The following HS2ST1 variants were observed in gnomAD, a reference collection of about 807,000 sequenced individuals.
The protein encoded by HS2ST1 is heparan sulfate 2-O-sulfotransferase 1.
In HS2ST1, 18 loss-of-function variants were observed where a neutral mutation model predicts 42.9. That is an observed-to-expected ratio of 0.42 (90% CI 0.29 to 0.62). The LOEUF is 0.62. HS2ST1 is among the 20% of genes least tolerant of loss of function. HS2ST1 has a pLI of 0.21. For synonymous variants in HS2ST1, 146 were observed against 152.9 expected (o/e 0.95, Z 0.33); for missense variants, 334 against 433.8 (o/e 0.77, Z 2.04).
rs536418990 is a variant in HS2ST1 at position 87,103,505 on chromosome 1, A to G, written c.760A>G (p.Thr254Ala). 7 of 1,612,800 alleles carry G rather than the reference A, an allele frequency of 4.3e-6. No individual in the cohort carries two copies. The highest frequency in any genetic ancestry group is 5.9e-6 in the Non-Finnish European group (7 of 1,179,454). ...LINEYFLVGVTEELEDFIMLL... is the reference protein window; with the variant it reads ...LINEYFLVGVAEELEDFIMLL... ...TAATGAATATTTTCTGGTGGGAGTTACTGAAGAACTTGAAGATTTTATCAT... is the reference window on the plus strand; with the variant it reads ...TAATGAATATTTTCTGGTGGGAGTTGCTGAAGAACTTGAAGATTTTATCAT... The change falls in exon 6 of 7, where the codon ACT becomes GCT. Residue 254 changes from threonine to alanine, a missense_variant. Physicochemically the swap from Thr to Ala is moderately conservative, Grantham distance 58. Coordinates refer to ENST00000370550, the MANE Select transcript of HS2ST1 (RefSeq NM_012262.4).
At chr1:87,097,258 A>G (rs919156087) in intron 4 of HS2ST1, among the ~76,000 whole-genome samples, 11 of 152,264 alleles carry the variant, frequency 7.2e-5, no homozygotes, top group Non-Finnish European at 1.2e-4. Flanking sequence ...AACATAACAC[A>G]TAACACATTT....
At chr1:87,084,601 C>G (rs746250951) in intron 3 of HS2ST1, among the ~76,000 whole-genome samples, 1 of 152,118 alleles carries the variant, frequency 6.6e-6, no homozygotes, top group South Asian at 2.1e-4. Flanking sequence ...TTATGACTTA[C>G]CACATCATTG....
chr1:87,003,826 T>C (rs1649358111), intron 1 of HS2ST1, among the ~76,000 whole-genome samples: 1 of 152,124 alleles, frequency 6.6e-6, no homozygotes, highest in Admixed American at 6.6e-5. Flanking sequence ...TACAGGAGGA[T>C]GTGTGTAGGT....
chr1:86,915,328 G>A (rs538382960), intron 1 of HS2ST1, among the ~76,000 whole-genome samples, 168 bp downstream of exon 1: 1 of 152,320 alleles, frequency 6.6e-6, no homozygotes, highest in African/African-American at 2.4e-5. Flanking sequence ...CCAAGAATGG[G>A]TTGAATTAAG....
At chr1:87,026,188 A>G (rs1033971431) in intron 1 of HS2ST1, among the ~76,000 whole-genome samples, 14 of 152,214 alleles carry the variant, frequency 9.2e-5, no homozygotes, top group Non-Finnish European at 1.5e-4. Context: ...CGATTTTGGT[A>G]GTTATACAGT....
chr1:86,971,313 CA>C (rs570518145), intron 1 of HS2ST1, among the ~76,000 whole-genome samples: 9 of 150,924 alleles, frequency 6.0e-5, no homozygotes, highest in East Asian at 5.8e-4. Context: ...CAAAACAAAA[CA>C]AAAAAAAACC....
intron 4 of HS2ST1, among the ~76,000 whole-genome samples, chr1:87,094,497 G>A (rs1191147996): frequency 6.6e-6 from 1 of 152,024 alleles, no homozygotes; most frequent in Non-Finnish European, 1.5e-5. Context: ...GGAAACTGTG[G>A]GGCACAGAAA....
chr1:87,031,079 A>G (rs545053406), intron 1 of HS2ST1, among the ~76,000 whole-genome samples: 49 of 152,220 alleles, frequency 3.2e-4, no homozygotes, highest in African/African-American at 1.1e-3. Flanking sequence ...AGCTGGGGCC[A>G]TAGACTCACG....
chr1:87,045,472 A>G, intron 1 of HS2ST1: 1 of 1,055,132 alleles, frequency 9.5e-7, no homozygotes, highest in Non-Finnish European at 1.5e-6. Context: ...AGGTGAGAAC[A>G]GTCACTTTAT....
rs151066955 is a variant in HS2ST1 at position 87,105,471 on chromosome 1, C to T, written c.*775C>T. ...AAAGTAAGTTTAGTATTTGTTTCTC[C>T]ATGGGTTATTTGTAAAGCTGTAAAC... On this transcript the variant is annotated 3_prime_UTR_variant, in exon 7 of 7. Transcript: ENST00000370550. The T allele has an allele frequency of 1.5e-4, 23 of 152,308 alleles. No homozygotes were observed. Among genetic ancestry groups the T allele is most frequent in the African/African-American group, 5.5e-4 (23 of 41,540 alleles). The allele number at this position is 152,308 out of a possible 1,614,324, so 9.4% of individuals were successfully genotyped here.
chr1:87,001,658 G>A (rs1053017783), intron 1 of HS2ST1, among the ~76,000 whole-genome samples: 1 of 152,164 alleles, frequency 6.6e-6, no homozygotes, highest in East Asian at 1.9e-4. Flanking sequence ...TTTTTGCCGA[G>A]TCGGGAGTGC....
At chr1:87,045,477 CT>C in intron 1 of HS2ST1, 2 of 1,028,212 alleles carry the variant, frequency 1.9e-6, no homozygotes, top group South Asian at 1.3e-5. Context: ...AGAACAGTCA[CT>C]TTATGGACAT....
At chr1:86,943,151 C>G (rs903637959) in intron 1 of HS2ST1, among the ~76,000 whole-genome samples, 1 of 152,012 alleles carries the variant, frequency 6.6e-6, no homozygotes, top group African/African-American at 2.4e-5. Context: ...TTAGATTCTC[C>G]TAACTAAAAG....
chr1:86,975,982 G>A (rs1473567427), intron 1 of HS2ST1, among the ~76,000 whole-genome samples: 1 of 152,140 alleles, frequency 6.6e-6, no homozygotes, highest in Non-Finnish European at 1.5e-5. Flanking sequence ...AATTTAAAGT[G>A]CCATGGCAAA....
chr1:87,057,506 A>C (rs1245841467), intron 1 of HS2ST1, among the ~76,000 whole-genome samples: 1 of 151,340 alleles, frequency 6.6e-6, no homozygotes, highest in African/African-American at 2.4e-5. Flanking sequence ...TGTGCCTCCA[A>C]GGACTTTGCT....
intron 1 of HS2ST1, among the ~76,000 whole-genome samples, chr1:87,020,070 T>C (rs943781785): frequency 1.3e-5 from 2 of 152,216 alleles, no homozygotes; most frequent in African/African-American, 4.8e-5. Flanking sequence ...GAAATGACTT[T>C]GGGAGTAGAG....
Position 87,035,838 on chromosome 1 carries a change from A to G in HS2ST1, c.125-37096A>G, listed in dbSNP as rs560266586. ...CTTTTTTTTTTTTTTAATTATTACT[A>G]TACTCTAAGTTCTGGGATACATGTG... On this transcript the variant is annotated intron_variant, in intron 1 of 6. Coordinates refer to ENST00000370550, the MANE Select transcript of HS2ST1 (RefSeq NM_012262.4). Among the ~76,000 whole-genome samples, 54 of 150,434 alleles carry G rather than the reference A, an allele frequency of 3.6e-4. 1 individual carries two copies. The South Asian group carries it at 9.0e-3, about 25-fold the overall frequency.
intron 1 of HS2ST1, among the ~76,000 whole-genome samples, chr1:87,015,546 G>A (rs191980626): frequency 6.7e-5 from 10 of 149,818 alleles, no homozygotes; most frequent in African/African-American, 1.2e-4. Context: ...GGGTTTCACC[G>A]TGTTAGCCAA....
chr1:87,097,994 G>A, intron 5 of HS2ST1, 59 bp downstream of exon 5: 1 of 1,608,372 alleles, frequency 6.2e-7, no homozygotes, highest in East Asian at 2.2e-5. Context: ...TGTAATCTGT[G>A]TTTCATTTCA....
Sources: allele counts gnomAD v4.1 joint callset (sites outside exome capture counted in the v4.1 genomes callset), GRCh38; gene constraint gnomAD v4.1.1; transcripts MANE v1.5; gene names NCBI Gene and HGNC (gene_info 2026-07-23, HGNC 2026-07-21).